Variants in ANK2 observed in about 807,000 individuals in gnomAD.
The protein encoded by ANK2 is ankyrin-2.
Under a neutral mutation model 360.5 loss-of-function variants are expected in ANK2, and 83 were observed. The observed-to-expected ratio is 0.23, with a 90% confidence interval of 0.19 to 0.28. The LOEUF (loss-of-function observed/expected upper bound fraction) is 0.28. Among genes scored for constraint, ANK2 ranks in the 10% least tolerant of loss-of-function variants. The pLI is 1.00. For synonymous variants in ANK2, 1,740 were observed against 1,759.5 expected, an observed-to-expected ratio of 0.99 and a Z score of 0.28; for missense variants, 4,201 against 4,795.7, an observed-to-expected ratio of 0.88 and a Z score of 3.66.
At chr4:113,060,711 G>T (rs1208165122) in intron 1 of ANK2, among the ~76,000 whole-genome samples, 3 of 129,530 alleles carry the variant, frequency 2.3e-5, no homozygotes, top group Non-Finnish European at 3.2e-5. Flanking sequence ...TCCCAAATAC[G>T]GTTTAAAACA....
At chr4:113,196,268 C>T (rs1197203400) in intron 2 of ANK2, 100 bp from the exon 3 acceptor site, 1 of 864,914 alleles carries the variant, frequency 1.2e-6, no homozygotes, top group East Asian at 2.6e-5. Context: ...AAGAAGAGAT[C>T]AGAGTCTGTC....
intron 1 of ANK2, among the ~76,000 whole-genome samples, chr4:113,064,487 A>C (rs2074833940): frequency 6.6e-6 from 1 of 152,148 alleles, no homozygotes; most frequent in Non-Finnish European, 1.5e-5. Context: ...CAGTGCACAT[A>C]GCCACCTTTT....
the ANK2 span, among the ~76,000 whole-genome samples, chr4:112,739,297 C>G: frequency 1.3e-5 from 2 of 152,090 alleles, no homozygotes; most frequent in Non-Finnish European, 2.9e-5. Flanking sequence ...CCACTGCGCC[C>G]GGCTGGAATG....
intron 2 of ANK2, among the ~76,000 whole-genome samples, chr4:113,041,987 CTGGG>C (rs2063074809): frequency 6.6e-6 from 1 of 152,146 alleles, no homozygotes; most frequent in Admixed American, 6.6e-5. Context: ...GTCAACTTGA[CTGGG>C]TTAAGGAATA....
chr4:112,888,452 A>G (rs1163250946), intron 1 of ANK2, among the ~76,000 whole-genome samples: 1 of 152,194 alleles, frequency 6.6e-6, no homozygotes, highest in Non-Finnish European at 1.5e-5. Flanking sequence ...TGAAAATAAC[A>G]AGGGTTTGCA....
the ANK2 span, among the ~76,000 whole-genome samples, chr4:112,789,107 A>G: frequency 6.6e-6 from 1 of 152,158 alleles, no homozygotes; most frequent in Admixed American, 6.6e-5. Context: ...CTTATTTGCA[A>G]GAAAATAATA....
chr4:112,984,198 G>T (rs977795855), intron 2 of ANK2, among the ~76,000 whole-genome samples: 1 of 152,104 alleles, frequency 6.6e-6, no homozygotes, highest in Non-Finnish European at 1.5e-5. Context: ...TAGTATCTTG[G>T]TTTTTCTTAT....
intron 2 of ANK2, among the ~76,000 whole-genome samples, chr4:112,925,415 T>G (rs1009582195): frequency 2.0e-5 from 3 of 152,206 alleles, no homozygotes; most frequent in South Asian, 2.1e-4. Context: ...TGCATAACAT[T>G]TTTAGAAATA....
At chr4:112,973,578 G>A (rs1276902562) in intron 2 of ANK2, among the ~76,000 whole-genome samples, 1 of 152,202 alleles carries the variant, frequency 6.6e-6, no homozygotes, top group East Asian at 1.9e-4. Context: ...GCTGGTAAGT[G>A]TTTTCTCAGA....
chr4:112,864,113 T>A (rs1333003953), intron 1 of ANK2, among the ~76,000 whole-genome samples: 1 of 152,038 alleles, frequency 6.6e-6, no homozygotes, highest in Non-Finnish European at 1.5e-5. Flanking sequence ...AGCCAAAAAT[T>A]TTTTGTAGAA....
At chr4:113,280,471 G>C (rs952713441) in intron 17 of ANK2, among the ~76,000 whole-genome samples, 1 of 152,094 alleles carries the variant, frequency 6.6e-6, no homozygotes, top group Non-Finnish European at 1.5e-5. Context: ...ATCTGCCCCA[G>C]CCTGTCAATG....
intron 1 of ANK2, among the ~76,000 whole-genome samples, chr4:112,842,460 G>A (rs2062319035): frequency 6.6e-6 from 1 of 152,156 alleles, no homozygotes; most frequent in Admixed American, 6.5e-5. Flanking sequence ...AACCTTTTTG[G>A]CACGAGGGAC....
chr4:112,772,460 T>C, the ANK2 span, among the ~76,000 whole-genome samples: 1 of 152,122 alleles, frequency 6.6e-6, no homozygotes, highest in African/African-American at 2.4e-5. Flanking sequence ...AGCCAAATCA[T>C]ATCAGTGCCT....
Position 113,277,829 on chromosome 4 carries a change from A to G in ANK2, c.1684-8A>G, listed in dbSNP as rs775914694. 9.3e-6 allele frequency: 15 copies of G among 1,606,086 alleles called. No individual in the cohort carries two copies. The South Asian group carries it at 1.3e-4, about 14-fold the overall frequency. On this transcript the variant is annotated splice_region_variant and splice_polypyrimidine_tract_variant and intron_variant, in intron 15 of 45. Transcript: ENST00000357077. ...ATACGATTTTACTTTTGTTTCTCAC[A>G]TTTTCAGAAGGGTTTTACTCCCCTG...
Position 113,383,697 on chromosome 4 carries a change from G to A in ANK2, c.*2226G>A, listed in dbSNP as rs1018726018. On this transcript the variant is annotated 3_prime_UTR_variant, in exon 46 of 46. Transcript: ENST00000357077. ...AATACATAGCTGCAATGTGTACAATGGCTGATTTAATTAAATAAAATGTAC... is the reference window on the plus strand; with the variant it reads ...AATACATAGCTGCAATGTGTACAATAGCTGATTTAATTAAATAAAATGTAC... 2.6e-5 allele frequency: 4 copies of A among 152,546 alleles called. No individual in the cohort carries two copies. The highest frequency in any genetic ancestry group is 9.7e-5 in the African/African-American group (4 of 41,430). The allele number at this position is 152,546 out of a possible 1,614,324, so 9.4% of individuals were successfully genotyped here. A position where few individuals can be genotyped will look rare whatever the true frequency, so the allele number is the denominator to read the frequency against.
chr4:113,166,178 C>A (rs559876098), intron 1 of ANK2, among the ~76,000 whole-genome samples: 1 of 152,170 alleles, frequency 6.6e-6, no homozygotes, highest in African/African-American at 2.4e-5. Context: ...GAATAATAAA[C>A]ACCTAAGAAA....
In ANK2 at chr4:113,331,963, T is replaced by C. The variant is rs778199635; in HGVS notation, c.3126-9T>C. The C allele has an allele frequency of 2.5e-6, 4 of 1,609,548 alleles. No individual in the cohort carries two copies. In the Admixed American group the frequency reaches 5.0e-5, roughly 20 times the overall value. On this transcript the variant is annotated splice_polypyrimidine_tract_variant and intron_variant, in intron 27 of 45. Transcript: ENST00000357077. The stretch of plus-strand genomic sequence containing the variant: ...TTCTTTCTTTCACTGCTGCTTTGGA[T>C]GTACTCAGTAAACTTCACCTGCCAA...
At chr4:112,958,649 G>T (rs1561287519) in intron 2 of ANK2, among the ~76,000 whole-genome samples, 1 of 151,632 alleles carries the variant, frequency 6.6e-6, no homozygotes, top group Admixed American at 6.6e-5. Flanking sequence ...AGAGGGAGAG[G>T]GCTGCTCTTG....
chr4:112,855,059 T>A lies in ANK2; in HGVS notation c.-40+36795T>A, dbSNP rs144109963. ...TATTAGCATCCTAATATTCTTTCTCTCGATGTAGACCTTGGAAAGAGAAAT... is the reference window on the plus strand; with the variant it reads ...TATTAGCATCCTAATATTCTTTCTCACGATGTAGACCTTGGAAAGAGAAAT... On this transcript the variant is annotated intron_variant, in intron 1 of 30. Coordinates refer to the ANK2 transcript ENST00000503271. 6.6e-5 allele frequency among the ~76,000 whole-genome samples: 10 copies of A among 152,348 alleles called. No individual in the cohort carries two copies. In the East Asian group the frequency reaches 1.9e-3, roughly 29 times the overall value.
Sources: allele counts gnomAD v4.1 joint callset (sites outside exome capture counted in the v4.1 genomes callset), GRCh38; gene constraint gnomAD v4.1.1; transcripts MANE v1.5; gene names NCBI Gene and HGNC (gene_info 2026-07-23, HGNC 2026-07-21).